The following PHACTR3 variants were observed in gnomAD, a reference collection of about 807,000 sequenced individuals.
PHACTR3 encodes protein phosphatase 1, regulatory subunit 123.
A neutral mutation model predicts 66.8 loss-of-function variants in PHACTR3; 16 were observed. The ratio of observed to expected loss-of-function variants is 0.24; its 90% CI spans 0.16 to 0.36. PHACTR3 has a LOEUF of 0.36. PHACTR3 is among the 10% of genes least tolerant of loss of function. The probability of loss-of-function intolerance (pLI) is 1.00; values close to 1 mark genes in which losing one functional copy is unlikely to be tolerated. For synonymous variants in PHACTR3, 323 were observed against 292.1 expected, an observed-to-expected ratio of 1.11 and a Z score of -1.08; for missense variants, 647 against 719.9, an observed-to-expected ratio of 0.90 and a Z score of 1.16.
At chr20:59,798,984 T>C (rs1334610761) in intron 7 of PHACTR3, among the ~76,000 whole-genome samples, 1 of 152,164 alleles carries the variant, frequency 6.6e-6, no homozygotes, top group Non-Finnish European at 1.5e-5. Context: ...TGATATATTG[T>C]ATTTTCATTT....
At chr20:59,685,674 G>A (rs11696787) in intron 1 of PHACTR3, among the ~76,000 whole-genome samples, 4,893 of 152,238 alleles carry the variant, frequency 0.032, 112 homozygotes, top group Middle Eastern at 0.054. Flanking sequence ...TGCCTCTACC[G>A]TGCTGTCTCA....
At chr20:59,777,136 C>T (rs1182495) in intron 7 of PHACTR3, among the ~76,000 whole-genome samples, 91,037 of 152,048 alleles carry the variant, frequency 0.6, 29,390 homozygotes, top group Non-Finnish European at 0.71. Context: ...GAATCCCAGC[C>T]CTGCCTCCGT....
intron 1 of PHACTR3, among the ~76,000 whole-genome samples, chr20:59,690,571 A>T (rs1980599): frequency 6.6e-6 from 1 of 151,980 alleles, no homozygotes; most frequent in Non-Finnish European, 1.5e-5. Context: ...GGAGACCTTC[A>T]TTTGGTGGGG....
At chr20:59,731,275 T>C (rs80125479) in intron 1 of PHACTR3, among the ~76,000 whole-genome samples, 7,502 of 152,290 alleles carry the variant, frequency 0.049, 293 homozygotes, top group Non-Finnish European at 0.059. Context: ...AAATATAATC[T>C]CAGGGAAGAA....
In PHACTR3 at chr20:59,605,140, G is replaced by A; in HGVS notation, c.118+8G>A. The A allele has an allele frequency of 2.3e-6, 3 of 1,323,474 alleles. No individual in the cohort carries two copies. The highest frequency in any genetic ancestry group is 4.0e-5 in the Admixed American group (1 of 25,092). The allele number at this position is 1,323,474 out of a possible 1,614,324, so 82.0% of individuals were successfully genotyped here. On this transcript the variant is annotated splice_region_variant and intron_variant, in intron 1 of 12. Coordinates refer to ENST00000371015, the MANE Select transcript of PHACTR3 (RefSeq NM_080672.5). ...ACGCCGGGGAGAACCCAGGTAACGG[G>A]CTGGGCGGGGGCGGCGGGCGGGTCG...
chr20:59,695,512 A>G (rs1046052793), intron 1 of PHACTR3, among the ~76,000 whole-genome samples: 3 of 152,092 alleles, frequency 2.0e-5, no homozygotes, highest in African/African-American at 7.2e-5. Context: ...TTTTTTCTTT[A>G]TAAATTACCC....
At chr20:59,600,805 A>AG (rs564162257), upstream of PHACTR3, among the ~76,000 whole-genome samples, 40 of 152,218 alleles carry the variant, frequency 2.6e-4, no homozygotes, top group Non-Finnish European at 4.4e-4. Flanking sequence ...AAGGGGCAGA[A>AG]GGGGGGTCCT....
chr20:59,826,161 G>A (rs1400225497), intron 8 of PHACTR3, among the ~76,000 whole-genome samples: 1 of 151,020 alleles, frequency 6.6e-6, no homozygotes, highest in African/African-American at 2.4e-5. Flanking sequence ...ATGACCAAAG[G>A]AGGACAAGGT....
intron 1 of PHACTR3, among the ~76,000 whole-genome samples, chr20:59,582,746 C>CT (rs1386097908): frequency 6.6e-6 from 1 of 152,148 alleles, no homozygotes; most frequent in Non-Finnish European, 1.5e-5. Context: ...TTTTTGCCCT[C>CT]TTTTTCCAGG....
At chr20:59,808,772 C>T (rs6123944) in intron 8 of PHACTR3, among the ~76,000 whole-genome samples, 4,688 of 152,244 alleles carry the variant, frequency 0.031, 160 homozygotes, top group African/African-American at 0.088. Context: ...CGACACTGCT[C>T]GCTGCTGGGC....
intron 1 of PHACTR3, among the ~76,000 whole-genome samples, chr20:59,630,027 C>T (rs1398653413): frequency 6.6e-6 from 1 of 152,064 alleles, no homozygotes; most frequent in African/African-American, 2.4e-5. Flanking sequence ...GCCCAGCCCA[C>T]GGGCAAGTGT....
At chr20:59,769,427 C>T (rs1217123775) in intron 5 of PHACTR3, among the ~76,000 whole-genome samples, 1 of 152,208 alleles carries the variant, frequency 6.6e-6, no homozygotes, top group Non-Finnish European at 1.5e-5. Context: ...CTGATGCATC[C>T]ACAGAACGCC....
chr20:59,794,950 C>CA (rs1242163131), intron 7 of PHACTR3, among the ~76,000 whole-genome samples: 4 of 151,732 alleles, frequency 2.6e-5, no homozygotes, highest in East Asian at 1.9e-4. Flanking sequence ...TTTGTCTTTT[C>CA]AAAAAAACCT....
At chr20:59,784,979 T>C (rs2146936305) in intron 7 of PHACTR3, among the ~76,000 whole-genome samples, 1 of 149,440 alleles carries the variant, frequency 6.7e-6, no homozygotes, top group East Asian at 2.0e-4. Flanking sequence ...TCTGTCATGA[T>C]TCAAGCCTTG....
intron 8 of PHACTR3, among the ~76,000 whole-genome samples, chr20:59,810,526 G>A (rs1488249671): frequency 6.6e-6 from 1 of 152,236 alleles, no homozygotes; most frequent in East Asian, 1.9e-4. Flanking sequence ...CCTCCTTTCA[G>A]AGATTCCTCC....
At chr20:59,796,803 G>T (rs1359772577) in intron 7 of PHACTR3, among the ~76,000 whole-genome samples, 1 of 152,036 alleles carries the variant, frequency 6.6e-6, no homozygotes, top group East Asian at 1.9e-4. Context: ...ACCTTTTGGT[G>T]GTTTGATTAT....
intron 1 of PHACTR3, among the ~76,000 whole-genome samples, chr20:59,706,912 A>C (rs1452238690): frequency 6.6e-6 from 1 of 152,152 alleles, no homozygotes; most frequent in Non-Finnish European, 1.5e-5. Context: ...CTACCTCTCA[A>C]GTCCTCACAT....
chr20:59,782,983 G>A (rs979248657), intron 7 of PHACTR3, among the ~76,000 whole-genome samples: 2 of 152,198 alleles, frequency 1.3e-5, no homozygotes, highest in African/African-American at 4.8e-5. Flanking sequence ...CCTTTCCCCA[G>A]TAGACATACT....
chr20:59,719,356 G>C (rs1026350367), intron 1 of PHACTR3, among the ~76,000 whole-genome samples: 2 of 152,086 alleles, frequency 1.3e-5, no homozygotes, highest in Non-Finnish European at 1.5e-5. Context: ...GTAGAGACAG[G>C]GTTTTACCAT....
Sources: gnomAD v4.1 joint callset for allele counts (sites outside exome capture counted in the v4.1 genomes callset) on GRCh38, gnomAD v4.1.1 for gene constraint, MANE v1.5 for transcripts, NCBI Gene and HGNC (gene_info 2026-07-23, HGNC 2026-07-21) for gene names.